Variants in URI1 observed in about 807,000 individuals in gnomAD.
URI1 encodes the protein unconventional prefoldin RPB5 interactor 1.
URI1 carries 39 observed loss-of-function variants against 60.2 expected under a neutral mutation model. The ratio of observed to expected loss-of-function variants is 0.65; its 90% CI spans 0.50 to 0.85. The LOEUF is 0.85. Among genes scored for constraint, URI1 ranks in the 40% least tolerant of loss-of-function variants. The pLI, the probability that URI1 is intolerant of heterozygous loss-of-function variation, is 0.00. For synonymous variants in URI1, 251 were observed against 236.8 expected (o/e 1.06, Z -0.55); for missense variants, 691 against 665.9 (o/e 1.04, Z -0.42).
At chr19:29,962,871 C>T (rs559143655) in intron 1 of URI1, among the ~76,000 whole-genome samples, 7 of 152,186 alleles carry the variant, frequency 4.6e-5, no homozygotes, top group East Asian at 1.9e-4. Context: ...GATCTATTTG[C>T]TGTGTATGTC....
upstream of URI1, among the ~76,000 whole-genome samples, chr19:29,938,488 G>A (rs577231088): frequency 1.8e-4 from 28 of 152,120 alleles, no homozygotes; most frequent in South Asian, 5.2e-3. Flanking sequence ...TAGGGATCAC[G>A]TTTCAACATG....
upstream of URI1, chr19:29,942,157 C>A: frequency 3.1e-6 from 3 of 966,290 alleles, no homozygotes; most frequent in Non-Finnish European, 1.2e-6. Flanking sequence ...GCGCACTCCC[C>A]TGGGGGCGGG....
At chr19:29,949,646 G>C (rs1414898845) in intron 1 of URI1, among the ~76,000 whole-genome samples, 1 of 152,226 alleles carries the variant, frequency 6.6e-6, no homozygotes, top group African/African-American at 2.4e-5. Context: ...ACGAGACTCC[G>C]TCTGCAATCC....
At chr19:29,927,054 C>T (rs1209765617) in intron 1 of URI1, among the ~76,000 whole-genome samples, 1 of 152,134 alleles carries the variant, frequency 6.6e-6, no homozygotes, top group Non-Finnish European at 1.5e-5. Context: ...GGAGGACAGC[C>T]TGGGGTGGGA....
At chr19:29,987,156 G>A (rs992774727) in intron 4 of URI1, among the ~76,000 whole-genome samples, 2 of 152,132 alleles carry the variant, frequency 1.3e-5, no homozygotes, top group Non-Finnish European at 2.9e-5. Flanking sequence ...TCTGTAATAC[G>A]TATTTAGATT....
At chr19:29,943,157 C>T in intron 1 of URI1, among the ~76,000 whole-genome samples, 1 of 152,072 alleles carries the variant, frequency 6.6e-6, no homozygotes, top group East Asian at 1.9e-4. Flanking sequence ...GTTGCCCAGG[C>T]TAATCTCGAA....
chr19:30,014,962 G>A lies in URI1; in HGVS notation c.1501G>A (p.Ala501Thr), dbSNP rs199962604. Residue 501 changes from alanine to threonine, a missense_variant, in exon 11 of 11, where the codon GCA becomes ACA. Transcript: ENST00000392271. ...LTPPPAIAHP[A>T]LPTIPERKEV... ...ACCACCCCCAGCCATTGCTCATCCC[G>A]CACTACCCACTATTCCAGAACGAAA... is the stretch of plus-strand genomic sequence containing the variant. 287 of 1,613,548 alleles carry A rather than the reference G, an allele frequency of 1.8e-4. No homozygotes were observed. Among genetic ancestry groups the A allele is most frequent in the Non-Finnish European group, 2.4e-4 (278 of 1,179,720 alleles).
chr19:30,003,535 A>G (rs1341851786), intron 4 of URI1, among the ~76,000 whole-genome samples: 1 of 152,040 alleles, frequency 6.6e-6, no homozygotes, highest in African/African-American at 2.4e-5. Context: ...GTGCAATCGT[A>G]TTTCAGTTTT....
intron 1 of URI1, among the ~76,000 whole-genome samples, chr19:29,934,866 ATAT>A (rs1265002204): frequency 1.3e-4 from 20 of 152,186 alleles, no homozygotes; most frequent in African/African-American, 3.1e-4. Context: ...CAACATGCCC[ATAT>A]TATTTTCTTA....
chr19:29,993,605 T>A (rs1044294450), intron 4 of URI1, among the ~76,000 whole-genome samples: 4 of 152,068 alleles, frequency 2.6e-5, no homozygotes, highest in Admixed American at 6.5e-5. Context: ...CTTTTTTTTT[T>A]AAGTGATAGG....
chr19:29,999,830 T>A (rs1323013193), intron 4 of URI1, among the ~76,000 whole-genome samples: 2 of 152,156 alleles, frequency 1.3e-5, no homozygotes, highest in Non-Finnish European at 1.5e-5. Context: ...TCTTAAGACG[T>A]TATTTAAAAA....
chr19:29,942,658 G>T lies in URI1; in HGVS notation c.111G>T (p.Gln37His). ...ATGTGGCGCGGCTGCGCGAGGAGCA[G>T]GAAAAGGTAACTAGCAGCCCCGCGC... Reference protein sequence around the residue: ...APDVARLREEQEKVVTNCQER... With the variant: ...APDVARLREEHEKVVTNCQER... Residue 37 changes from glutamine (Q) to histidine (H), a missense_variant, in exon 1 of 11, where the codon CAG becomes CAT. Transcript: ENST00000392271. 1 of 1,437,234 alleles carries T rather than the reference G, an allele frequency of 7.0e-7. No homozygotes were observed. The highest frequency in any genetic ancestry group is 1.5e-5 in the South Asian group (1 of 68,946). 89.0% of individuals were successfully genotyped at this position (1,437,234 alleles called of 1,614,324 possible). A position where few individuals can be genotyped will look rare whatever the true frequency, so the allele number is the denominator to read the frequency against.
At chr19:29,944,942 G>A (rs1332054294) in intron 1 of URI1, among the ~76,000 whole-genome samples, 2 of 152,198 alleles carry the variant, frequency 1.3e-5, no homozygotes, top group Non-Finnish European at 2.9e-5. Flanking sequence ...TTTAAAGCTG[G>A]CCCAGTTGTG....
chr19:30,016,287 G>A lies in URI1; in HGVS notation c.*1218G>A, dbSNP rs2056084582. ...ATTTTAATGACAAGGGGGCGAGCTTGCATCCCCACTAGTTAATGGATAATT... is the reference window on the plus strand; with the variant it reads ...ATTTTAATGACAAGGGGGCGAGCTTACATCCCCACTAGTTAATGGATAATT... On this transcript the variant is annotated 3_prime_UTR_variant, in exon 11 of 11. Transcript: ENST00000392271. 6.6e-6 allele frequency: 1 copy of A among 152,140 alleles called. No individual in the cohort carries two copies. The highest frequency in any genetic ancestry group is 6.5e-5 in the Admixed American group (1 of 15,270). The allele number at this position is 152,140 out of a possible 1,614,324, so 9.4% of individuals were successfully genotyped here.
intron 1 of URI1, among the ~76,000 whole-genome samples, chr19:29,946,040 A>G (rs1181877749): frequency 6.9e-6 from 1 of 145,538 alleles, no homozygotes; most frequent in Non-Finnish European, 1.5e-5. Flanking sequence ...TAATTTATTC[A>G]AACAACCATC....
intron 2 of URI1, among the ~76,000 whole-genome samples, chr19:29,975,814 C>G (rs1599692022): frequency 6.6e-6 from 1 of 152,252 alleles, no homozygotes; most frequent in Non-Finnish European, 1.5e-5. Flanking sequence ...CCCCTCAGTT[C>G]TGTTTTCTGG....
chr19:29,942,593 TCGGCCC>T lies in URI1; in HGVS notation c.54_59del (p.Pro20_Ala21del). ...GACGCCCCCCGACCCCTCGCCCCCT[TCGGCCC>T]CGGCCCCTGCCCTGGTTCCGTTGCG... On this transcript the variant is annotated inframe_deletion, in exon 1 of 11. Coordinates refer to ENST00000392271, the MANE Select transcript of URI1 (RefSeq NM_003796.3). The T allele has an allele frequency of 7.0e-7, 1 of 1,427,044 alleles. No individual in the cohort carries two copies. The highest frequency in any genetic ancestry group is 9.2e-7 in the Non-Finnish European group (1 of 1,092,856). 88.4% of individuals were successfully genotyped at this position (1,427,044 alleles called of 1,614,324 possible).
At chr19:30,007,873 G>C (rs2055965197) in intron 7 of URI1, among the ~76,000 whole-genome samples, 1 of 151,900 alleles carries the variant, frequency 6.6e-6, no homozygotes, top group South Asian at 2.1e-4. Context: ...AAATACTTAA[G>C]ATCAACATCT....
intron 1 of URI1, among the ~76,000 whole-genome samples, chr19:29,954,536 CAG>C (rs1457490693): frequency 5.7e-5 from 6 of 104,694 alleles, no homozygotes; most frequent in Middle Eastern, 8.1e-3. Flanking sequence ...TTTTTTGAGA[CAG>C]AGTTTCACTC....
Sources: allele counts gnomAD v4.1 joint callset (sites outside exome capture counted in the v4.1 genomes callset), GRCh38; gene constraint gnomAD v4.1.1; transcripts MANE v1.5; gene names NCBI Gene and HGNC (gene_info 2026-07-23, HGNC 2026-07-21).